Variants in CYP2S1 observed in about 807,000 individuals in gnomAD.
The protein encoded by CYP2S1 is cytochrome P450 family 2 subfamily S member 1, also known as cytochrome P450 2S1.
CYP2S1 carries 32 observed loss-of-function variants against 43.5 expected under a neutral mutation model. The ratio of observed to expected loss-of-function variants is 0.74; its 90% CI spans 0.56 to 0.99. CYP2S1 has a LOEUF of 0.99. CYP2S1 is among the 50% of genes least tolerant of loss of function. CYP2S1 has a pLI of 0.00. For missense variants in CYP2S1, 575 were observed against 673.9 expected (o/e 0.85, Z 1.62); for synonymous variants, 283 against 302.9 (o/e 0.93, Z 0.68).
Position 41,198,674 on chromosome 19 carries a change from G to C in CYP2S1, c.655-35G>C. The C allele has an allele frequency of 6.2e-7, 1 of 1,613,514 alleles. No individual in the cohort carries two copies. Among genetic ancestry groups the C allele is most frequent in the Non-Finnish European group, 8.5e-7 (1 of 1,179,686 alleles). ...TACCTTCCCTGAAGGTTCCTGCCAAGGTCCCATGAGAACTAGCTGCCCTTC... is the reference window on the plus strand; with the variant it reads ...TACCTTCCCTGAAGGTTCCTGCCAACGTCCCATGAGAACTAGCTGCCCTTC... On this transcript the variant is annotated intron_variant, in intron 4 of 8. Coordinates refer to ENST00000310054, the MANE Select transcript of CYP2S1 (RefSeq NM_030622.8). The surrounding 1 kb of genome is among the most constrained non-coding windows in gnomAD (Gnocchi z 4.9).
intron 5 of CYP2S1, among the ~76,000 whole-genome samples, chr19:41,200,785 G>T (rs1357526136): frequency 6.6e-6 from 1 of 152,166 alleles, no homozygotes; most frequent in Admixed American, 6.6e-5. Flanking sequence ...AAGATGTGGA[G>T]ACTTTGAAAC....
At position 41,206,893 on chromosome 19, in the gene CYP2S1, C is replaced by G; in HGVS notation, c.*405C>G. On this transcript the variant is annotated 3_prime_UTR_variant, in exon 9 of 9. Transcript: ENST00000310054. ...TCACACGCCCTCTCCATTCATCGAA[C>G]TTCTCAGTGTCCCTGTCCCTGGTGC... 2 of 421,694 alleles carry G rather than the reference C, an allele frequency of 4.7e-6. No homozygotes were observed. Among genetic ancestry groups the G allele is most frequent in the South Asian group, 3.5e-5 (2 of 56,664 alleles). The allele number at this position is 421,694 out of a possible 1,614,324, so 26.1% of individuals were successfully genotyped here.
chr19:41,204,034 T>C (rs1174471795), intron 7 of CYP2S1, among the ~76,000 whole-genome samples: 1 of 152,060 alleles, frequency 6.6e-6, no homozygotes, highest in Non-Finnish European at 1.5e-5. Context: ...GCTAATTTTT[T>C]GTATTTTTAG....
rs1056370792 is a variant in CYP2S1 at position 41,198,968 on chromosome 19, C to T, written c.834+80C>T. Reference sequence around the variant, plus strand: ...TCCCCAGCCAGGTGTCCCTGGGGACCTCAATTGGGTTCCTCTCTCTTTCTC... The same window carrying T: ...TCCCCAGCCAGGTGTCCCTGGGGACTTCAATTGGGTTCCTCTCTCTTTCTC... On this transcript the variant is annotated intron_variant, in intron 5 of 8. Coordinates refer to ENST00000310054, the MANE Select transcript of CYP2S1 (RefSeq NM_030622.8). This position sits in a 1 kb window ranked among gnomAD's most constrained non-coding sequence, Gnocchi z 4.9. 5 of 1,507,956 alleles carry T rather than the reference C, an allele frequency of 3.3e-6. No individual in the cohort carries two copies. The highest frequency in any genetic ancestry group is 4.5e-6 in the Non-Finnish European group (5 of 1,121,848). 93.4% of individuals were successfully genotyped at this position (1,507,956 alleles called of 1,614,324 possible).
intron 6 of CYP2S1, among the ~76,000 whole-genome samples, chr19:41,202,667 G>C (rs953292032): frequency 2.0e-5 from 3 of 151,952 alleles, no homozygotes; most frequent in African/African-American, 7.3e-5. Flanking sequence ...GTGCGTGCCT[G>C]TGGTCATAGC....
intron 2 of CYP2S1, among the ~76,000 whole-genome samples, chr19:41,196,620 G>A (rs1162767008): frequency 6.8e-6 from 1 of 146,638 alleles, no homozygotes; most frequent in African/African-American, 2.8e-5. Flanking sequence ...GCTGAAACAG[G>A]GAGAGGAGAG....
At chr19:41,194,843 C>T (rs2033391435) in intron 2 of CYP2S1, 134 bp downstream of exon 2, 9 of 1,309,706 alleles carry the variant, frequency 6.9e-6, no homozygotes, top group Admixed American at 3.6e-5. Flanking sequence ...CAGCCGGGTG[C>T]AGTGGCTAGT....
chr19:41,205,342 T>TTTTTTC (rs1555727534), intron 7 of CYP2S1, among the ~76,000 whole-genome samples: 4 of 111,718 alleles, frequency 3.6e-5, no homozygotes, highest in South Asian at 5.6e-4. Flanking sequence ...TTCTTTCTTT[T>TTTTTTC]TTTCTTTCTT....
rs1048846924 is a variant in CYP2S1 at position 41,206,972 on chromosome 19, G to A, written c.*484G>A. The A allele has an allele frequency of 5.7e-5, 21 of 365,502 alleles. No homozygotes were observed. Among genetic ancestry groups the A allele is most frequent in the Admixed American group, 2.1e-4 (6 of 28,420 alleles). 22.6% of individuals were successfully genotyped at this position (365,502 alleles called of 1,614,324 possible). A position where few individuals can be genotyped will look rare whatever the true frequency, so the allele number is the denominator to read the frequency against. ...GGGGTCATGCCACCCAGAGACTGTC[G>A]CTGTCTATGGCCCCAACTCATGCTC... is the stretch of plus-strand genomic sequence containing the variant. On this transcript the variant is annotated 3_prime_UTR_variant, in exon 9 of 9. Coordinates refer to ENST00000310054, the MANE Select transcript of CYP2S1 (RefSeq NM_030622.8).
chr19:41,205,423 TCTCTC>T (rs2033560184), intron 7 of CYP2S1, among the ~76,000 whole-genome samples: 1 of 36,906 alleles, frequency 2.7e-5, no homozygotes, highest in African/African-American at 3.6e-4. Context: ...TTTCTTTCTC[TCTCTC>T]TCTCTTTCTT....
intron 7 of CYP2S1, among the ~76,000 whole-genome samples, chr19:41,205,342 T>TTTC (rs1555727533): frequency 2.6e-4 from 29 of 111,718 alleles, no homozygotes; most frequent in East Asian, 5.3e-4. Context: ...TTCTTTCTTT[T>TTTC]TTTCTTTCTT....
rs564603441 is a variant in CYP2S1 at position 41,198,576 on chromosome 19, G to A, written c.608G>A (p.Arg203Gln). The change falls in exon 4 of 9, where the codon CGG (arginine) becomes CAG (glutamine). Residue 203 changes from arginine (R) to glutamine (Q), a missense_variant. Physicochemically the swap from Arg to Gln is conservative, Grantham distance 43 (BLOSUM62 1). This residue lies in a region of CYP2S1 where 353 missense variants were observed against 367.6 expected (regional missense o/e 0.96). Transcript: ENST00000310054. This position sits in a 1 kb window ranked among gnomAD's most constrained non-coding sequence, Gnocchi z 4.9. ...YEDKEFQAVVRAAGGTLLGVS... is the reference protein window; with the variant it reads ...YEDKEFQAVVQAAGGTLLGVS... ...GATAAGGAGTTCCAGGCCGTGGTCC[G>A]GGCAGCTGGTGGTACCCTGCTGGGA... The A allele has an allele frequency of 7.4e-6, 12 of 1,614,180 alleles. No homozygotes were observed. The East Asian group carries it at 1.3e-4, about 18-fold the overall frequency.
intron 2 of CYP2S1, among the ~76,000 whole-genome samples, chr19:41,196,474 C>T (rs2033414367): frequency 6.6e-6 from 1 of 152,038 alleles, no homozygotes; most frequent in Admixed American, 6.6e-5. Flanking sequence ...GGCTAGGAGC[C>T]CAGGGTGATA....
chr19:41,196,707 G>A (rs914450126), intron 2 of CYP2S1, among the ~76,000 whole-genome samples: 1 of 152,164 alleles, frequency 6.6e-6, no homozygotes, highest in Non-Finnish European at 1.5e-5. Context: ...GACCACGACA[G>A]GCTGGCATTG....
rs1287972840 is a variant in CYP2S1 at position 41,198,301 on chromosome 19, C to A, written c.494-161C>A. 5.3e-5 allele frequency among the ~76,000 whole-genome samples: 8 copies of A among 151,992 alleles called. No homozygotes were observed. ...TCTTTCTCCCTGTCTGTTTCTCTGT[C>A]CCTATCTGTCTGTATCCTTCTTTGC... On this transcript the variant is annotated intron_variant, in intron 3 of 8. Coordinates refer to ENST00000310054, the MANE Select transcript of CYP2S1 (RefSeq NM_030622.8). The surrounding 1 kb of genome is among the most constrained non-coding windows in gnomAD (Gnocchi z 4.9).
intron 5 of CYP2S1, among the ~76,000 whole-genome samples, chr19:41,200,183 A>AT (rs917777591): frequency 1.4e-4 from 21 of 151,924 alleles, no homozygotes; most frequent in African/African-American, 5.1e-4. Flanking sequence ...TTTATTGAAT[A>AT]TTTTTTAGTT....
rs760145637 is a variant in CYP2S1, at chr19:41,198,844, C to A, written c.790C>A (p.Pro264Thr). Reference protein sequence around the residue: ...QHQGNLDASGPARDLVDAFLL... With the variant: ...QHQGNLDASGTARDLVDAFLL... The stretch of plus-strand genomic sequence containing the variant: ...CCAGGGGAACCTGGATGCTTCGGGC[C>A]CCGCACGTGACCTTGTCGATGCCTT... Residue 264 changes from proline (P) to threonine (T), a missense_variant, in exon 5 of 9, where the codon CCC (proline) becomes ACC (threonine). Pro to Thr is a conservative substitution (Grantham distance 38). Around this residue, in one of 2 missense-constraint regions of CYP2S1, gnomAD observed 353 missense variants for 367.6 expected, o/e 0.96. Coordinates refer to ENST00000310054, the MANE Select transcript of CYP2S1 (RefSeq NM_030622.8). This position sits in a 1 kb window ranked among gnomAD's most constrained non-coding sequence, Gnocchi z 4.9. 44 of 1,614,024 alleles carry A rather than the reference C, an allele frequency of 2.7e-5. No individual in the cohort carries two copies. In the South Asian group the frequency reaches 4.0e-4, roughly 14 times the overall value.
In CYP2S1 at chr19:41,197,783, T is replaced by A; in HGVS notation, c.348T>A (p.Val116=). The A allele has an allele frequency of 6.2e-7, 1 of 1,613,826 alleles. No individual in the cohort carries two copies. Among genetic ancestry groups the A allele is most frequent in the Non-Finnish European group, 8.5e-7 (1 of 1,179,990 alleles). Residue 116 remains valine, a synonymous_variant, in exon 3 of 9, where the codon GTT becomes GTA. Coordinates refer to ENST00000310054, the MANE Select transcript of CYP2S1 (RefSeq NM_030622.8). ...TGAGTCTAGCCTTCTGCGCAGGGGT[T>A]TTCTTCTCCAACGGGGAGCGGTGGA... is the stretch of plus-strand genomic sequence containing the variant. The part of the protein sequence containing the change: ...MLEGTFDGHG[V]FFSNGERWRQ...
chr19:41,203,032 C>T (rs542023261), intron 6 of CYP2S1, among the ~76,000 whole-genome samples: 2 of 151,880 alleles, frequency 1.3e-5, no homozygotes, highest in Admixed American at 6.6e-5. Context: ...ACCCGGGAGG[C>T]GGAGTTGCAG....
Sources: allele counts gnomAD v4.1 joint callset (sites outside exome capture counted in the v4.1 genomes callset), GRCh38; gene constraint gnomAD v4.1.1; regional missense constraint gnomAD v4.1.1; non-coding constraint Gnocchi (gnomAD v3.1); transcripts MANE v1.5; gene names NCBI Gene and HGNC (gene_info 2026-07-23, HGNC 2026-07-21).